CREB5: variants seen among roughly 807,000 people sequenced by gnomAD.
CREB5 encodes cyclic AMP-responsive element-binding protein 5.
Under a neutral mutation model 57.1 loss-of-function variants are expected in CREB5, and 19 were observed. That is an observed-to-expected ratio of 0.33 (90% CI 0.23 to 0.49). The LOEUF is 0.49. CREB5 is among the 20% of genes least tolerant of loss of function. The pLI is 0.99. For missense variants in CREB5, 579 were observed against 671.6 expected (o/e 0.86, Z 1.52); for synonymous variants, 238 against 238.3 (o/e 1.00, Z 0.01).
intron 7 of CREB5, among the ~76,000 whole-genome samples, chr7:28,769,584 T>C (rs1806213337): frequency 1.3e-5 from 2 of 152,260 alleles, no homozygotes; most frequent in South Asian, 2.1e-4. Context: ...GTCTTGTTGA[T>C]GCTTTGAAAT....
At chr7:28,404,362 G>A (rs1335421170) in intron 1 of CREB5, among the ~76,000 whole-genome samples, 2 of 152,090 alleles carry the variant, frequency 1.3e-5, no homozygotes, top group East Asian at 1.9e-4. Flanking sequence ...AAAGGAAAGC[G>A]TGACCTCTCA....
At chr7:28,364,805 A>G (rs538556961) in intron 1 of CREB5, among the ~76,000 whole-genome samples, 2 of 152,312 alleles carry the variant, frequency 1.3e-5, no homozygotes, top group Admixed American at 6.5e-5. Context: ...GCTACCTGTC[A>G]TCTGCTAGAA....
chr7:28,735,086 T>C (rs542031931), intron 7 of CREB5, among the ~76,000 whole-genome samples: 45 of 152,308 alleles, frequency 3.0e-4, no homozygotes, highest in Non-Finnish European at 5.4e-4. Context: ...ATGCATGATT[T>C]AAAATACACT....
intron 4 of CREB5, among the ~76,000 whole-genome samples, chr7:28,534,643 G>C (rs560073411): frequency 1.3e-5 from 2 of 151,822 alleles, no homozygotes; most frequent in Admixed American, 1.3e-4. Flanking sequence ...TCTTCATCTC[G>C]ACTTCCTCTT....
At chr7:28,590,458 C>A (rs1316930981) in intron 5 of CREB5, among the ~76,000 whole-genome samples, 5 of 140,954 alleles carry the variant, frequency 3.5e-5, no homozygotes, top group African/African-American at 5.4e-5. Context: ...TGTTCTCACT[C>A]ATAGGTGGGA....
At chr7:28,323,184 A>G (rs1161302642) in intron 1 of CREB5, among the ~76,000 whole-genome samples, 15 of 152,100 alleles carry the variant, frequency 9.9e-5, no homozygotes, top group Admixed American at 8.5e-4. Context: ...GAGAGCCCCA[A>G]TCCTGGTTAA....
chr7:28,472,339 A>G (rs1448765903), intron 1 of CREB5, among the ~76,000 whole-genome samples: 2 of 152,172 alleles, frequency 1.3e-5, no homozygotes. Context: ...TCTGCACTAT[A>G]TGTATATGTG....
At chr7:28,397,949 A>G (rs114452698) in intron 1 of CREB5, among the ~76,000 whole-genome samples, 1,885 of 152,326 alleles carry the variant, frequency 0.012, 28 homozygotes, top group African/African-American at 0.042. Context: ...TAAAATATAT[A>G]TAACAAAATT....
chr7:28,792,417 CTGAT>C, intron 7 of CREB5, among the ~76,000 whole-genome samples: 1 of 151,796 alleles, frequency 6.6e-6, no homozygotes, highest in African/African-American at 2.4e-5. Context: ...TTTCTAATAC[CTGAT>C]TATTACTGAA....
chr7:28,742,885 C>T (rs913484736), intron 7 of CREB5, among the ~76,000 whole-genome samples: 69 of 152,222 alleles, frequency 4.5e-4, no homozygotes, highest in African/African-American at 1.6e-3. Flanking sequence ...CAGATTCAAG[C>T]GATTCTCCTG....
In CREB5 at chr7:28,710,505, T is replaced by C. The variant is rs149922743; in HGVS notation, c.465-8248T>C. Among the ~76,000 whole-genome samples the C allele has an allele frequency of 3.3e-5, 5 of 152,252 alleles. No individual in the cohort carries two copies. In the East Asian group the frequency reaches 9.7e-4, roughly 29 times the overall value. The stretch of plus-strand genomic sequence containing the variant: ...TTAAAAATTACTCAAAATTAATGAA[T>C]TGCTAGATGCTATGGTGAGTGCCTG... On this transcript the variant is annotated intron_variant, in intron 5 of 10. Coordinates refer to ENST00000357727, the MANE Select transcript of CREB5 (RefSeq NM_182898.4).
At position 28,724,364 on chromosome 7, in the gene CREB5, T is replaced by C. The variant is rs368779542; in HGVS notation, c.702+32T>C. 2.6e-6 allele frequency: 4 copies of C among 1,562,654 alleles called. No homozygotes were observed. In the East Asian group the frequency reaches 6.7e-5, roughly 26 times the overall value. ...AACAGTTATAATCACCCTTTCATTA[T>C]TCTGTGACTTTTTCTTTTGAATTTT... On this transcript the variant is annotated intron_variant, in intron 7 of 10. Coordinates refer to ENST00000357727, the MANE Select transcript of CREB5 (RefSeq NM_182898.4).
chr7:28,324,172 C>T (rs117896985), intron 1 of CREB5, among the ~76,000 whole-genome samples: 2,093 of 152,244 alleles, frequency 0.014, 40 homozygotes, highest in Non-Finnish European at 0.017. Flanking sequence ...AAAAATGTGC[C>T]CTGAAAGCTC....
At position 28,510,957 on chromosome 7, in the gene CREB5, G is replaced by C. The variant is rs1393917400; in HGVS notation, c.291+3220G>C. Reference sequence around the variant, plus strand: ...TATCCTGAAATATATAAGAAATTTTGTTCATCATTTTTCATTCAAGAAACA... The same window carrying C: ...TATCCTGAAATATATAAGAAATTTTCTTCATCATTTTTCATTCAAGAAACA... On this transcript the variant is annotated intron_variant, in intron 4 of 10. Coordinates refer to ENST00000357727, the MANE Select transcript of CREB5 (RefSeq NM_182898.4). Among the ~76,000 whole-genome samples, 3 of 152,036 alleles carry C rather than the reference G, an allele frequency of 2.0e-5. No individual in the cohort carries two copies. The East Asian group carries it at 5.8e-4, about 29-fold the overall frequency.
At chr7:28,350,753 G>A (rs1786171120) in intron 1 of CREB5, among the ~76,000 whole-genome samples, 1 of 152,044 alleles carries the variant, frequency 6.6e-6, no homozygotes. Context: ...GGAGAAGAGG[G>A]GAGTGTGGGG....
intron 7 of CREB5, among the ~76,000 whole-genome samples, chr7:28,738,167 T>C (rs1053780165): frequency 1.3e-4 from 20 of 152,224 alleles, no homozygotes; most frequent in African/African-American, 4.3e-4. Context: ...CAAATTACTT[T>C]GAATTATCCA....
chr7:28,778,663 G>A (rs1235257081), intron 7 of CREB5, among the ~76,000 whole-genome samples: 2 of 152,082 alleles, frequency 1.3e-5, no homozygotes, highest in African/African-American at 4.8e-5. Flanking sequence ...AAATGTGCTA[G>A]TATAGTGCCA....
chr7:28,378,418 T>G (rs1786890743), intron 1 of CREB5, among the ~76,000 whole-genome samples: 1 of 152,186 alleles, frequency 6.6e-6, no homozygotes, highest in Non-Finnish European at 1.5e-5. Context: ...GTTGTACATA[T>G]GTACCCTAAA....
intron 1 of CREB5, among the ~76,000 whole-genome samples, chr7:28,395,062 GA>G (rs200003239): frequency 0.01 from 1,577 of 152,034 alleles, 23 homozygotes; most frequent in African/African-American, 0.036. Context: ...GGTCTTAGGA[GA>G]AAAAAATTTA....
Sources: gnomAD v4.1 joint callset for allele counts (sites outside exome capture counted in the v4.1 genomes callset) on GRCh38, gnomAD v4.1.1 for gene constraint, MANE v1.5 for transcripts, NCBI Gene and HGNC (gene_info 2026-07-23, HGNC 2026-07-21) for gene names.